The following ZNF423 variants were observed in gnomAD, a reference collection of about 807,000 sequenced individuals.
ZNF423 encodes Ebf-associated zinc finger protein.
A neutral mutation model predicts 95.8 loss-of-function variants in ZNF423; 12 were observed. The ratio of observed to expected loss-of-function variants is 0.13; its 90% CI spans 0.08 to 0.20. ZNF423 has a LOEUF of 0.20. ZNF423 is among the 10% of genes least tolerant of loss of function. The pLI, the probability that ZNF423 is intolerant of heterozygous loss-of-function variation, is 1.00. For synonymous variants in ZNF423, 749 were observed against 711.9 expected, an observed-to-expected ratio of 1.05 and a Z score of -0.83; for missense variants, 1,316 against 1,737.1, an observed-to-expected ratio of 0.76 and a Z score of 4.31.
chr16:49,566,948 A>G (rs1970212831), intron 5 of ZNF423, among the ~76,000 whole-genome samples: 1 of 152,158 alleles, frequency 6.6e-6, no homozygotes, highest in Non-Finnish European at 1.5e-5. Flanking sequence ...AATGAGAGCC[A>G]TGTGTTCCTA....
intron 3 of ZNF423, among the ~76,000 whole-genome samples, chr16:49,683,000 G>A (rs573213053): frequency 3.0e-4 from 45 of 152,252 alleles, no homozygotes; most frequent in African/African-American, 5.8e-4. Context: ...CCGCTTTTCC[G>A]CCTGTGCCAA....
chr16:49,595,162 T>G (rs992832908), intron 5 of ZNF423, among the ~76,000 whole-genome samples: 1 of 152,178 alleles, frequency 6.6e-6, no homozygotes, highest in Non-Finnish European at 1.5e-5. Context: ...GTCTCTCTTG[T>G]GTCCCCTCCT....
chr16:49,732,672 C>T (rs549602802), intron 2 of ZNF423, among the ~76,000 whole-genome samples: 2 of 152,192 alleles, frequency 1.3e-5, no homozygotes, highest in Non-Finnish European at 2.9e-5. Flanking sequence ...AAGACAGACA[C>T]GAAGCAAAGA....
chr16:49,776,753 G>A (rs557608734), intron 2 of ZNF423, among the ~76,000 whole-genome samples: 84 of 152,352 alleles, frequency 5.5e-4, no homozygotes, highest in Non-Finnish European at 1.0e-3. Flanking sequence ...GCCCAGCACT[G>A]GGCCCAAGTG....
chr16:49,646,157 G>C (rs1973161513), intron 3 of ZNF423, among the ~76,000 whole-genome samples: 2 of 152,220 alleles, frequency 1.3e-5, no homozygotes, highest in South Asian at 4.1e-4. Context: ...GACAACCGAG[G>C]AGAGCCAGTC....
chr16:49,701,133 A>C (rs1253935095), intron 3 of ZNF423, among the ~76,000 whole-genome samples: 1 of 152,254 alleles, frequency 6.6e-6, no homozygotes, highest in Non-Finnish European at 1.5e-5. Flanking sequence ...ATTAACCCTA[A>C]GGCTTAACAT....
chr16:49,803,250 C>T (rs748501908), intron 1 of ZNF423, among the ~76,000 whole-genome samples: 29 of 151,358 alleles, frequency 1.9e-4, no homozygotes, highest in Non-Finnish European at 3.7e-4. Context: ...CACAGCCAGA[C>T]CTTGTCTCAA....
intron 6 of ZNF423, among the ~76,000 whole-genome samples, chr16:49,524,931 G>C (rs1968543662): frequency 6.6e-6 from 1 of 152,224 alleles, no homozygotes; most frequent in South Asian, 2.1e-4. Context: ...CCTGGAGCAT[G>C]GATGGGAGCT....
At chr16:49,837,917 G>C (rs1346266907) in intron 1 of ZNF423, among the ~76,000 whole-genome samples, 3 of 152,216 alleles carry the variant, frequency 2.0e-5, no homozygotes, top group African/African-American at 7.2e-5. Flanking sequence ...AGATAAGCCA[G>C]AGCGGTCTCT....
intron 2 of ZNF423, among the ~76,000 whole-genome samples, chr16:49,758,568 C>A (rs1388579331): frequency 6.6e-6 from 1 of 151,978 alleles, no homozygotes; most frequent in Non-Finnish European, 1.5e-5. Context: ...ATAGTAAGAC[C>A]CCATCTCTAC....
chr16:49,664,003 G>A (rs1404672098), intron 3 of ZNF423: 5 of 933,978 alleles, frequency 5.4e-6, no homozygotes, highest in East Asian at 1.2e-4. Context: ...GGGACTCGGC[G>A]TTCCGGTGCA....
chr16:49,490,775 A>G lies in ZNF423; in HGVS notation c.*500T>C, dbSNP rs1596986886. On this transcript the variant is annotated 3_prime_UTR_variant, in exon 8 of 8. Coordinates refer to ENST00000563137, the MANE Select transcript of ZNF423 (RefSeq NM_001379286.1). ...AATCAAAGCATTAGTCTTTAATTAA[A>G]AAATTAAAAGGAAATATTCAGACAA... The G allele has an allele frequency of 1.3e-5, 2 of 158,106 alleles. No individual in the cohort carries two copies. The highest frequency in any genetic ancestry group is 4.8e-5 in the African/African-American group (2 of 41,332). The allele number at this position is 158,106 out of a possible 1,614,324, so 9.8% of individuals were successfully genotyped here. A position where few individuals can be genotyped will look rare whatever the true frequency, so the allele number is the denominator to read the frequency against.
chr16:49,767,810 G>A (rs967983356), intron 2 of ZNF423, among the ~76,000 whole-genome samples: 2 of 152,136 alleles, frequency 1.3e-5, no homozygotes, highest in Admixed American at 6.5e-5. Context: ...AGGCCAATAC[G>A]CACTGTCTGC....
chr16:49,854,023 A>C, intron 1 of ZNF423: 1 of 985,354 alleles, frequency 1.0e-6, no homozygotes. Flanking sequence ...AGGGAAAGAG[A>C]AAAGAAATCC....
chr16:49,514,726 G>A (rs1030943332), intron 7 of ZNF423, among the ~76,000 whole-genome samples: 2 of 152,184 alleles, frequency 1.3e-5, no homozygotes, highest in African/African-American at 2.4e-5. Flanking sequence ...CTTTAAATGC[G>A]CCCGCTCAAC....
chr16:49,813,630 G>GC (rs1285323169), intron 1 of ZNF423, among the ~76,000 whole-genome samples: 1 of 152,158 alleles, frequency 6.6e-6, no homozygotes, highest in Non-Finnish European at 1.5e-5. Flanking sequence ...TCTCGCTCCC[G>GC]CATCTCCAGA....
intron 5 of ZNF423, among the ~76,000 whole-genome samples, chr16:49,579,677 G>A (rs561632815): frequency 1.3e-5 from 2 of 152,172 alleles, no homozygotes; most frequent in South Asian, 4.2e-4. Context: ...TGAGGGGCTG[G>A]GGAGGCAGGG....
intron 4 of ZNF423, among the ~76,000 whole-genome samples, chr16:49,627,827 C>T (rs375319794): frequency 2.0e-4 from 29 of 148,506 alleles, no homozygotes; most frequent in Middle Eastern, 3.7e-3. Flanking sequence ...TTTACATACA[C>T]ACCCATCCAT....
At chr16:49,742,149 GT>G (rs1233001091) in intron 2 of ZNF423, among the ~76,000 whole-genome samples, 2 of 152,210 alleles carry the variant, frequency 1.3e-5, no homozygotes, top group African/African-American at 4.8e-5. Flanking sequence ...CAAGGACCTT[GT>G]TTTTTATGGG....
Sources: allele counts gnomAD v4.1 joint callset (sites outside exome capture counted in the v4.1 genomes callset), GRCh38; gene constraint gnomAD v4.1.1; transcripts MANE v1.5; gene names NCBI Gene and HGNC (gene_info 2026-07-23, HGNC 2026-07-21).